The following PHRF1 variants were observed in gnomAD, a reference collection of about 807,000 sequenced individuals.
PHRF1 encodes PHD and RING finger domain-containing protein 1.
Under a neutral mutation model 128.9 loss-of-function variants are expected in PHRF1, and 53 were observed. The ratio of observed to expected loss-of-function variants is 0.41; its 90% CI spans 0.33 to 0.52. PHRF1 has a LOEUF of 0.52. Ranked by LOEUF, PHRF1 falls within the 20% of genes least tolerant of loss-of-function variation. PHRF1 has a pLI of 0.21. For missense variants in PHRF1, 2,503 were observed against 2,284.5 expected (o/e 1.10, Z -1.95); for synonymous variants, 1,178 against 980.6 (o/e 1.20, Z -3.76).
At chr11:594,270 T>TGATA (rs530472406) in intron 6 of PHRF1, among the ~76,000 whole-genome samples, 54 of 150,266 alleles carry the variant, frequency 3.6e-4, no homozygotes, top group African/African-American at 1.3e-3. Context: ...GACCATGGCA[T>TGATA]GATAGACCTG....
intron 9 of PHRF1, among the ~76,000 whole-genome samples, chr11:601,148 C>T (rs181851887): frequency 1.3e-5 from 2 of 151,460 alleles, no homozygotes; most frequent in Non-Finnish European, 2.9e-5. Flanking sequence ...AAGACTCCGT[C>T]TCAGAAAAAA....
intron 3 of PHRF1, among the ~76,000 whole-genome samples, chr11:582,479 G>A (rs1421055203): frequency 6.6e-6 from 1 of 151,702 alleles, no homozygotes; most frequent in African/African-American, 2.4e-5. Context: ...ATCTGGTCTG[G>A]AACTCTTCCT....
intron 4 of PHRF1, among the ~76,000 whole-genome samples, chr11:588,503 C>T (rs1436546265): frequency 6.6e-6 from 1 of 152,076 alleles, no homozygotes. Context: ...CCTCAGCCTC[C>T]CGCGTAGCTG....
chr11:610,395 A>G (rs780315817), intron 15 of PHRF1, 48 bp downstream of exon 15: 7 of 1,534,358 alleles, frequency 4.6e-6, no homozygotes, highest in Non-Finnish European at 5.3e-6. Context: ...GTGGCCTGGC[A>G]CCCGTGCCAC....
chr11:581,189 G>A (rs74045035), intron 1 of PHRF1, among the ~76,000 whole-genome samples: 2,278 of 152,022 alleles, frequency 0.015, 61 homozygotes, highest in African/African-American at 0.052. Context: ...CTGGCTTTAT[G>A]GGTAGCTCTG....
chr11:590,223 C>T (rs1854886728), intron 4 of PHRF1, among the ~76,000 whole-genome samples: 1 of 152,248 alleles, frequency 6.6e-6, no homozygotes, highest in African/African-American at 2.4e-5. Context: ...ACCCCAGACT[C>T]CAGAGGTGGG....
chr11:598,243 G>T (rs910762810), intron 8 of PHRF1, 130 bp from the exon 9 acceptor site: 1 of 1,298,478 alleles, frequency 7.7e-7, no homozygotes, highest in African/African-American at 1.5e-5. Flanking sequence ...GGCTGCTGCA[G>T]TGGCGGGTGG....
rs368740302 is a variant in PHRF1 at position 605,316 on chromosome 11, A to G, written c.1334+16A>G. 15 of 1,609,878 alleles carry G rather than the reference A, an allele frequency of 9.3e-6. No individual in the cohort carries two copies. The highest frequency in any genetic ancestry group is 1.3e-5 in the African/African-American group (1 of 74,858). ...CCTTCGACAGGTGAGTGAACTGGTG[A>G]TGGTCCTGCCTGGGCACCCGCTCCT... is the stretch of plus-strand genomic sequence containing the variant. On this transcript the variant is annotated intron_variant, in intron 11 of 17. Coordinates refer to ENST00000264555, the MANE Select transcript of PHRF1 (RefSeq NM_001286581.2).
rs1855636298 is a variant in PHRF1 at position 601,682 on chromosome 11, G to A, written c.1133G>A (p.Arg378Lys). The change falls in exon 10 of 18, where the codon AGA becomes AAA. Residue 378 changes from arginine (R) to lysine (K), a missense_variant. Arg to Lys is a conservative substitution (Grantham distance 26). Transcript: ENST00000264555. ...SKKRQHRVKKRRGKKVKSEAT... is the reference protein window; with the variant it reads ...SKKRQHRVKKKRGKKVKSEAT... ...AAACGCCAACATCGAGTGAAGAAGA[G>A]AAGAGGGAAGAAGGTAAAGGTGAGC... 1 of 1,613,850 alleles carries A rather than the reference G, an allele frequency of 6.2e-7. No individual in the cohort carries two copies. Among genetic ancestry groups the A allele is most frequent in the Non-Finnish European group, 8.5e-7 (1 of 1,179,854 alleles).
At chr11:609,806 TAAGG>T in intron 14 of PHRF1, 86 bp downstream of exon 14, 1 of 893,320 alleles carries the variant, frequency 1.1e-6, no homozygotes, top group Non-Finnish European at 1.5e-6. Context: ...CCCCCGTGAG[TAAGG>T]CCCCGGCCTC....
intron 13 of PHRF1, 124 bp from the exon 14 acceptor site, chr11:606,942 C>G: frequency 7.0e-7 from 1 of 1,432,534 alleles, no homozygotes; most frequent in Non-Finnish European, 9.3e-7. Flanking sequence ...GTGTCCACCT[C>G]AACAGGCAGA....
At chr11:610,446 G>A (rs923839361) in intron 15 of PHRF1, 55 bp from the exon 16 acceptor site, 9 of 1,567,368 alleles carry the variant, frequency 5.7e-6, no homozygotes, top group African/African-American at 4.1e-5. Context: ...CACAGCTCCT[G>A]GGCACAGAGC....
rs771648423 is a variant in PHRF1, at chr11:609,045, G to T, written c.3589G>T (p.Ala1197Ser). The change falls in exon 14 of 18, where the codon GCT becomes TCT. Residue 1197 changes from alanine to serine, a missense_variant. Coordinates refer to ENST00000264555, the MANE Select transcript of PHRF1 (RefSeq NM_001286581.2). The part of the protein sequence containing the change: ...TRSHSPERKG[A>S]VREASPAPLA... ...GTCCCATTCCCCAGAGAGGAAGGGG[G>T]CTGTGAGGGAGGCTTCCCCAGCGCC... The T allele has an allele frequency of 4.2e-5, 67 of 1,594,764 alleles. No individual in the cohort carries two copies. In the Admixed American group the frequency reaches 5.8e-4, roughly 14 times the overall value.
intron 9 of PHRF1, among the ~76,000 whole-genome samples, chr11:600,496 A>ATG (rs1855565773): frequency 2.7e-5 from 1 of 37,634 alleles, no homozygotes; most frequent in South Asian, 1.7e-3. Context: ...CTCCAAAAAT[A>ATG]TATATATATA....
chr11:609,047 T>A lies in PHRF1; in HGVS notation c.3591T>A (p.Ala1197=). The A allele has an allele frequency of 6.3e-7, 1 of 1,595,134 alleles. No individual in the cohort carries two copies. The highest frequency in any genetic ancestry group is 1.1e-5 in the South Asian group (1 of 89,378). ...CCCATTCCCCAGAGAGGAAGGGGGC[T>A]GTGAGGGAGGCTTCCCCAGCGCCCC... ...TRSHSPERKG[A]VREASPAPLA... is the part of the protein sequence containing the mutation. Residue 1197 remains alanine (A), a synonymous_variant, in exon 14 of 18, where the codon GCT becomes GCA. Coordinates refer to ENST00000264555, the MANE Select transcript of PHRF1 (RefSeq NM_001286581.2).
chr11:601,710 T>TG lies in PHRF1; in HGVS notation c.1152+12dup. The TG allele has an allele frequency of 1.2e-6, 2 of 1,613,560 alleles. No homozygotes were observed. The highest frequency in any genetic ancestry group is 1.7e-6 in the Non-Finnish European group (2 of 1,179,750). Reference sequence around the variant, plus strand: ...GAGGGAAGAAGGTAAAGGTGAGCATTGGGTGGCAGGGCCTGAGTCTCCTGC... The same window carrying TG: ...GAGGGAAGAAGGTAAAGGTGAGCATTGGGGTGGCAGGGCCTGAGTCTCCTGC... On this transcript the variant is annotated intron_variant, in intron 10 of 17. Coordinates refer to ENST00000264555, the MANE Select transcript of PHRF1 (RefSeq NM_001286581.2).
chr11:592,298 T>G lies in PHRF1; in HGVS notation c.505-261T>G, dbSNP rs1198427985. On this transcript the variant is annotated intron_variant, in intron 5 of 17. Transcript: ENST00000264555. Reference sequence around the variant, plus strand: ...CTGCCTCGCCCTACTGCGGCCCACTTTGGGGCCGCAGGGCTTACCCGCTCC... The same window carrying G: ...CTGCCTCGCCCTACTGCGGCCCACTGTGGGGCCGCAGGGCTTACCCGCTCC... Among the ~76,000 whole-genome samples the G allele has an allele frequency of 2.0e-5, 3 of 152,178 alleles. No individual in the cohort carries two copies. In the East Asian group the frequency reaches 5.8e-4, roughly 29 times the overall value.
chr11:588,394 T>G (rs924748341), intron 4 of PHRF1, among the ~76,000 whole-genome samples: 8 of 152,170 alleles, frequency 5.3e-5, no homozygotes, highest in Non-Finnish European at 8.8e-5. Flanking sequence ...TTTTTGTTTT[T>G]TTGAGACGGA....
intron 3 of PHRF1, among the ~76,000 whole-genome samples, chr11:583,390 G>A (rs1466297620): frequency 6.6e-6 from 1 of 152,056 alleles, no homozygotes; most frequent in African/African-American, 2.4e-5. Flanking sequence ...GGTGGTGCGT[G>A]CCTGTAATCC....
Sources: gnomAD v4.1 joint callset for allele counts (sites outside exome capture counted in the v4.1 genomes callset) on GRCh38, gnomAD v4.1.1 for gene constraint, MANE v1.5 for transcripts, NCBI Gene and HGNC (gene_info 2026-07-23, HGNC 2026-07-21) for gene names.